The following GNRH2 variants were observed in gnomAD, a reference collection of about 807,000 sequenced individuals.
The protein encoded by GNRH2 is progonadoliberin-2.
A neutral mutation model predicts 12.1 loss-of-function variants in GNRH2; 15 were observed. The ratio of observed to expected loss-of-function variants is 1.24; its 90% CI spans 0.83 to 1.90. The LOEUF (loss-of-function observed/expected upper bound fraction) is 1.90, where lower values mean the gene tolerates loss of function less well. Ranked by LOEUF, GNRH2 falls within the 40% of genes most tolerant of loss-of-function variation. The pLI, the probability that GNRH2 is intolerant of heterozygous loss-of-function variation, is 0.00. For missense variants in GNRH2, 143 were observed against 141.4 expected, an observed-to-expected ratio of 1.01 and a Z score of -0.06; for synonymous variants, 60 against 62.0, an observed-to-expected ratio of 0.97 and a Z score of 0.15.
At position 3,044,303 on chromosome 20, in the gene GNRH2, ACC is replaced by A. The variant is rs370283491; in HGVS notation, c.-7-104_-7-103del. On this transcript the variant is annotated intron_variant, in intron 1 of 3. Coordinates refer to ENST00000359100, the MANE Select transcript of GNRH2 (RefSeq NM_178331.2). ...CAGAGAGGGAAGGGCATAAGGAGAT[ACC>A]AAAGCTGCCCCTGAGATGCCAGTTT... The A allele has an allele frequency of 1.4e-4, 120 of 856,336 alleles. 1 individual carries two copies. The African/African-American group carries it at 1.7e-3, about 12-fold the overall frequency. 53.0% of individuals were successfully genotyped at this position (856,336 alleles called of 1,614,324 possible). A position where few individuals can be genotyped will look rare whatever the true frequency, so the allele number is the denominator to read the frequency against.
At chr20:3,044,269 G>A (rs1213938165) in intron 1 of GNRH2, 139 bp from the exon 2 acceptor site, 1 of 658,724 alleles carries the variant, frequency 1.5e-6, no homozygotes, top group African/African-American at 1.8e-5. Context: ...TTGGGATGAG[G>A]AGCGGTGGCA....
intron 1 of GNRH2, chr20:3,044,199 T>C (rs370281871): frequency 1.0e-4 from 56 of 551,178 alleles, no homozygotes; most frequent in East Asian, 8.0e-4. Context: ...AGAAGGCTCG[T>C]CCCCTGGAGC....
rs1051310855 is a variant in GNRH2, at chr20:3,044,391, T to C, written c.-7-17T>C. 4 of 1,609,958 alleles carry C rather than the reference T, an allele frequency of 2.5e-6. No individual in the cohort carries two copies. The highest frequency in any genetic ancestry group is 1.3e-5 in the African/African-American group (1 of 74,984). ...GGGTGAGGTAAGTCTCCTTGAATGC[T>C]GTACCCTGTCCATTAGAGCAGCCAT... On this transcript the variant is annotated splice_polypyrimidine_tract_variant and intron_variant, in intron 1 of 3. Coordinates refer to ENST00000359100, the MANE Select transcript of GNRH2 (RefSeq NM_178331.2).
In GNRH2 at chr20:3,045,705, G is replaced by GC; in HGVS notation, c.315dup (p.Ala106ArgfsTer7). ...CCGCAGACCGCAGCCCGAGAGCCCC[G>GC]CCCCGCCCCGCCATCCTCCAATAAA... On this transcript the variant is annotated frameshift_variant, in exon 4 of 4. Coordinates refer to ENST00000359100, the MANE Select transcript of GNRH2 (RefSeq NM_178331.2). LOFTEE classifies it high-confidence loss of function. The GC allele has an allele frequency of 6.4e-7, 1 of 1,563,936 alleles. No homozygotes were observed. Among genetic ancestry groups the GC allele is most frequent in the Non-Finnish European group, 8.8e-7 (1 of 1,136,676 alleles).
rs61729220 is a variant in GNRH2, at chr20:3,044,684, G to T, written c.155-16G>T. ...AGCATCAGTTCCCTTCTAAGGAAGG[G>T]CCCTGGACACTGCAGCAGGCAGCCC... is the stretch of plus-strand genomic sequence containing the variant. On this transcript the variant is annotated splice_polypyrimidine_tract_variant and intron_variant, in intron 2 of 3. Coordinates refer to ENST00000359100, the MANE Select transcript of GNRH2 (RefSeq NM_178331.2). The T allele has an allele frequency of 9.9e-6, 16 of 1,608,604 alleles. No individual in the cohort carries two copies. In the South Asian group the frequency reaches 1.4e-4, roughly 14 times the overall value.
intron 3 of GNRH2, among the ~76,000 whole-genome samples, 170 bp downstream of exon 3, chr20:3,045,006 G>A (rs748726353): frequency 4.6e-5 from 7 of 152,204 alleles, no homozygotes; most frequent in Non-Finnish European, 4.4e-5. Context: ...ACAGCAGGGT[G>A]CTGTCTGCTA....
In GNRH2 at chr20:3,045,536, C is replaced by T. The variant is rs2065979737; in HGVS notation, c.292-150C>T. On this transcript the variant is annotated intron_variant, in intron 3 of 3. Transcript: ENST00000359100. ...TGGAGATCCCCACACTAGCTGGATC[C>T]TCAGGCTTCTACGGGAGGCGGGGGG... is the stretch of plus-strand genomic sequence containing the variant. 4.5e-6 allele frequency: 3 copies of T among 660,740 alleles called. No homozygotes were observed. The South Asian group carries it at 5.3e-5, about 12-fold the overall frequency. 40.9% of individuals were successfully genotyped at this position (660,740 alleles called of 1,614,324 possible). A position where few individuals can be genotyped will look rare whatever the true frequency, so the allele number is the denominator to read the frequency against.
chr20:3,045,574 G>A (rs2065980354), intron 3 of GNRH2, 112 bp from the exon 4 acceptor site: 2 of 875,208 alleles, frequency 2.3e-6, no homozygotes, highest in East Asian at 5.0e-5. Flanking sequence ...TCCTGCTGTG[G>A]GAGGCCACAT....
chr20:3,045,560 G>T, intron 3 of GNRH2, 126 bp from the exon 4 acceptor site: 1 of 746,736 alleles, frequency 1.3e-6, no homozygotes, highest in Non-Finnish European at 2.3e-6. Context: ...GGAGGCGGGG[G>T]GCGTCCTGCT....
At chr20:3,044,605 G>A in intron 2 of GNRH2, 37 bp downstream of exon 2, 1 of 1,611,038 alleles carries the variant, frequency 6.2e-7, no homozygotes, top group Non-Finnish European at 8.5e-7. Flanking sequence ...GGAAGAAAGT[G>A]ATGGCCGGGG....
chr20:3,045,649 G>C lies in GNRH2; in HGVS notation c.292-37G>C, dbSNP rs764704537. Reference sequence around the variant, plus strand: ...TGGCAGCTCGGCGGTTACGAGACCAGTGTCCTGAGACATGACCGCCACCTC... The same window carrying C: ...TGGCAGCTCGGCGGTTACGAGACCACTGTCCTGAGACATGACCGCCACCTC... On this transcript the variant is annotated intron_variant, in intron 3 of 3. Transcript: ENST00000359100. The C allele has an allele frequency of 2.5e-6, 4 of 1,575,000 alleles. No homozygotes were observed. The African/African-American group carries it at 5.4e-5, about 21-fold the overall frequency.
At chr20:3,044,868 AC>A in intron 3 of GNRH2, 32 bp downstream of exon 3, 1 of 1,555,686 alleles carries the variant, frequency 6.4e-7, no homozygotes, top group Non-Finnish European at 8.8e-7. Flanking sequence ...CAGCATCAAG[AC>A]CAGCCACTGG....
Position 3,044,488 on chromosome 20 carries a change from A to T in GNRH2, c.74A>T (p.His25Leu), listed in dbSNP as rs2065965583. The stretch of plus-strand genomic sequence containing the variant: ...CACCTTGGACCCTCAGAGGCTCAGC[A>T]CTGGTCCCATGGCTGGTACCCTGGA... ...TAHLGPSEAQHWSHGWYPGGK... is the reference protein window; with the variant it reads ...TAHLGPSEAQLWSHGWYPGGK... The change falls in exon 2 of 4, where the codon CAC (histidine) becomes CTC (leucine). Residue 25 changes from histidine to leucine, a missense_variant. Coordinates refer to ENST00000359100, the MANE Select transcript of GNRH2 (RefSeq NM_178331.2). 9 of 1,613,554 alleles carry T rather than the reference A, an allele frequency of 5.6e-6. No homozygotes were observed. The highest frequency in any genetic ancestry group is 7.6e-6 in the Non-Finnish European group (9 of 1,179,858).
chr20:3,044,159 G>A, intron 1 of GNRH2: 1 of 488,972 alleles, frequency 2.0e-6, no homozygotes, highest in East Asian at 3.1e-5. Flanking sequence ...AGCTGGCAAG[G>A]CAGGTAGCCT....
chr20:3,043,812 C>G (rs1160329891), intron 1 of GNRH2, 147 bp downstream of exon 1: 1 of 153,482 alleles, frequency 6.5e-6, no homozygotes, highest in Non-Finnish European at 1.5e-5. Flanking sequence ...CTCTCCCCAA[C>G]AGCTCTACCA....
chr20:3,044,777 G>A lies in GNRH2; in HGVS notation c.232G>A (p.Gly78Ser). 1.2e-6 allele frequency: 2 copies of A among 1,612,912 alleles called. No individual in the cohort carries two copies. Among genetic ancestry groups the A allele is most frequent in the Non-Finnish European group, 1.7e-6 (2 of 1,179,618 alleles). The stretch of plus-strand genomic sequence containing the variant: ...CCTGGACGACAGCATGCCCTGGGAG[G>A]GCAGGACCACGGCCCAGTGGTCCCT... ...APLDDSMPWE[G>S]RTTAQWSLHR... Residue 78 changes from glycine to serine, a missense_variant, in exon 3 of 4, where the codon GGC becomes AGC. Coordinates refer to ENST00000359100, the MANE Select transcript of GNRH2 (RefSeq NM_178331.2).
Position 3,045,716 on chromosome 20 carries a change from C to CCCCGA in GNRH2, c.323_324insCCGAC (p.Ser109ArgfsTer?). The stretch of plus-strand genomic sequence containing the variant: ...AGCCCGAGAGCCCCGCCCCGCCCCG[C>CCCCGA]CATCCTCCAATAAAGTGTGAGGTTC... On this transcript the variant is annotated frameshift_variant, in exon 4 of 4. Transcript: ENST00000359100. LOFTEE classifies it high-confidence loss of function. 1 of 1,610,928 alleles carries CCCCGA rather than the reference C, an allele frequency of 6.2e-7. No individual in the cohort carries two copies. The highest frequency in any genetic ancestry group is 8.5e-7 in the Non-Finnish European group (1 of 1,177,478).
In GNRH2 at chr20:3,044,816, C is replaced by T. The variant is rs753412312; in HGVS notation, c.271C>T (p.His91Tyr). ...CCAGTGGTCCCTTCACAGGAAGCGA[C>T]ACCTGGCACGGACACTGCTGGTGAG... ...TAQWSLHRKR[H>Y]LARTLLTAAR... Residue 91 changes from histidine to tyrosine, a missense_variant, in exon 3 of 4, where the codon CAC becomes TAC. Coordinates refer to ENST00000359100, the MANE Select transcript of GNRH2 (RefSeq NM_178331.2). The T allele has an allele frequency of 2.5e-6, 4 of 1,610,914 alleles. No homozygotes were observed. Among genetic ancestry groups the T allele is most frequent in the Non-Finnish European group, 3.4e-6 (4 of 1,178,260 alleles).
At chr20:3,045,508 A>C (rs1226637031) in intron 3 of GNRH2, among the ~76,000 whole-genome samples, 178 bp from the exon 4 acceptor site, 1 of 150,948 alleles carries the variant, frequency 6.6e-6, no homozygotes, top group African/African-American at 2.4e-5. Flanking sequence ...TGCCCAAGGG[A>C]GCTGGAGATC....
Sources: allele counts gnomAD v4.1 joint callset (sites outside exome capture counted in the v4.1 genomes callset), GRCh38; gene constraint gnomAD v4.1.1; transcripts MANE v1.5; gene names NCBI Gene and HGNC (gene_info 2026-07-23, HGNC 2026-07-21).